The following DTNB variants were observed in gnomAD, a reference collection of about 807,000 sequenced individuals.
The protein encoded by DTNB is dystrobrevin beta.
DTNB carries 63 observed loss-of-function variants against 90.7 expected under a neutral mutation model. That is an observed-to-expected ratio of 0.69 (90% CI 0.57 to 0.86). The LOEUF (loss-of-function observed/expected upper bound fraction) is 0.86, where lower values mean the gene tolerates loss of function less well. Among genes scored for constraint, DTNB ranks in the 40% least tolerant of loss-of-function variants. DTNB has a pLI of 0.00. For synonymous variants in DTNB, 277 were observed against 286.7 expected, an observed-to-expected ratio of 0.97 and a Z score of 0.34; for missense variants, 744 against 807.1, an observed-to-expected ratio of 0.92 and a Z score of 0.95.
intron 6 of DTNB, among the ~76,000 whole-genome samples, chr2:25,587,945 TA>T (rs1282771307): frequency 1.3e-5 from 2 of 152,206 alleles, no homozygotes; most frequent in Non-Finnish European, 2.9e-5. Flanking sequence ...TCAGCCAATT[TA>T]ACTAACTCAA....
At chr2:25,448,955 G>A (rs1275573344) in intron 12 of DTNB, among the ~76,000 whole-genome samples, 1 of 151,312 alleles carries the variant, frequency 6.6e-6, no homozygotes, top group African/African-American at 2.4e-5. Flanking sequence ...TTTCTATCAA[G>A]TCAGAAAGTT....
intron 10 of DTNB, among the ~76,000 whole-genome samples, chr2:25,460,501 A>G (rs2060762764): frequency 6.6e-6 from 1 of 152,146 alleles, no homozygotes; most frequent in Admixed American, 6.6e-5. Context: ...CCTGTCACAC[A>G]CTACCATTCG....
chr2:25,431,279 G>A (rs1311831498), intron 14 of DTNB, among the ~76,000 whole-genome samples: 3 of 151,490 alleles, frequency 2.0e-5, no homozygotes, highest in East Asian at 1.9e-4. Context: ...TTGGCTCACC[G>A]CAACCTCCGC....
intron 10 of DTNB, among the ~76,000 whole-genome samples, chr2:25,473,484 GT>G (rs1172090941): frequency 1.3e-5 from 2 of 152,208 alleles, no homozygotes; most frequent in East Asian, 3.8e-4. Flanking sequence ...AAGCATGTGT[GT>G]GTTCATGTGT....
At chr2:25,434,082 T>C in intron 12 of DTNB, 87 bp from the exon 13 acceptor site, 1 of 1,258,900 alleles carries the variant, frequency 7.9e-7, no homozygotes, top group Non-Finnish European at 1.1e-6. Context: ...TAAAAAAGAT[T>C]TTTGACATAT....
At chr2:25,590,084 C>T (rs146103432) in intron 6 of DTNB, among the ~76,000 whole-genome samples, 172 of 152,320 alleles carry the variant, frequency 1.1e-3, no homozygotes, top group African/African-American at 3.8e-3. Context: ...CAGCTGGCAC[C>T]AGCAAACACG....
chr2:25,638,753 GAC>G (rs968010681), intron 3 of DTNB, among the ~76,000 whole-genome samples: 1 of 152,146 alleles, frequency 6.6e-6, no homozygotes, highest in African/African-American at 2.4e-5. Context: ...TAATAAAAGT[GAC>G]AGAGAAATCC....
Position 25,673,400 on chromosome 2 carries a change from C to T in DTNB, c.-16G>A, listed in dbSNP as rs2149102350. 6.6e-6 allele frequency: 1 copy of T among 151,288 alleles called. No individual in the cohort carries two copies. The highest frequency in any genetic ancestry group is 6.6e-5 in the Admixed American group (1 of 15,202). 9.4% of individuals were successfully genotyped at this position (151,288 alleles called of 1,614,324 possible). On this transcript the variant is annotated 5_prime_UTR_variant, in exon 1 of 21. Coordinates refer to ENST00000406818, the MANE Select transcript of DTNB (RefSeq NM_021907.5). ...CAGACCCCCACCTTGCTCACTTCCCCGCCGGAGCAGGGGTCGTCGGGAAGG... is the reference window on the plus strand; with the variant it reads ...CAGACCCCCACCTTGCTCACTTCCCTGCCGGAGCAGGGGTCGTCGGGAAGG...
intron 2 of DTNB, among the ~76,000 whole-genome samples, chr2:25,646,332 C>T (rs1455347917): frequency 1.3e-5 from 2 of 151,956 alleles, no homozygotes; most frequent in Non-Finnish European, 2.9e-5. Context: ...ATTAGCCAGG[C>T]GTAGTGGCAG....
intron 15 of DTNB, among the ~76,000 whole-genome samples, chr2:25,422,132 G>A (rs1428859354): frequency 1.3e-5 from 2 of 152,182 alleles, no homozygotes; most frequent in Non-Finnish European, 2.9e-5. Context: ...ATTGACTGAT[G>A]ACAAGGGATA....
intron 9 of DTNB, among the ~76,000 whole-genome samples, chr2:25,524,707 C>A (rs977852976): frequency 6.6e-6 from 1 of 152,098 alleles, no homozygotes; most frequent in African/African-American, 2.4e-5. Context: ...TCTTCCCCTG[C>A]TGCAGCAATG....
intron 8 of DTNB, chr2:25,558,187 T>C (rs2057681128): frequency 1.0e-6 from 1 of 983,278 alleles, no homozygotes; most frequent in Non-Finnish European, 1.2e-6. Flanking sequence ...ATATACAACA[T>C]ATAACACACA....
At chr2:25,428,522 T>C (rs1262700325) in intron 14 of DTNB, among the ~76,000 whole-genome samples, 1 of 151,626 alleles carries the variant, frequency 6.6e-6, no homozygotes, top group African/African-American at 2.4e-5. Flanking sequence ...CAACCTCCGC[T>C]TCCCCAGTTC....
chr2:25,401,609 CTTCT>C (rs1476306182), intron 16 of DTNB, among the ~76,000 whole-genome samples: 2 of 152,364 alleles, frequency 1.3e-5, no homozygotes, highest in South Asian at 2.1e-4. Flanking sequence ...TAGGACTTCC[CTTCT>C]TTCTTTTTCC....
chr2:25,667,718 C>A (rs942996354), intron 1 of DTNB, among the ~76,000 whole-genome samples: 4 of 152,112 alleles, frequency 2.6e-5, no homozygotes, highest in African/African-American at 7.2e-5. Flanking sequence ...TAGTTTCCTA[C>A]AAAGCTTGAT....
At chr2:25,413,948 CCTGA>C (rs1030757486) in intron 16 of DTNB, among the ~76,000 whole-genome samples, 2 of 152,170 alleles carry the variant, frequency 1.3e-5, no homozygotes, top group Non-Finnish European at 2.9e-5. Flanking sequence ...CCTGTTGTTT[CCTGA>C]CTTTTTAATG....
At chr2:25,514,199 T>C (rs917020771) in intron 9 of DTNB, among the ~76,000 whole-genome samples, 1 of 152,088 alleles carries the variant, frequency 6.6e-6, no homozygotes, top group Non-Finnish European at 1.5e-5. Context: ...TCTGAGAAGC[T>C]AACATTTAAG....
intron 16 of DTNB, among the ~76,000 whole-genome samples, chr2:25,392,569 C>G (rs963502808): frequency 6.6e-6 from 1 of 152,172 alleles, no homozygotes; most frequent in East Asian, 1.9e-4. Flanking sequence ...AGAGCTACTA[C>G]TACTGATACC....
chr2:25,451,778 C>T, intron 11 of DTNB, 143 bp from the exon 12 acceptor site: 1 of 747,294 alleles, frequency 1.3e-6, no homozygotes, highest in Non-Finnish European at 1.9e-6. Context: ...TACTAATGGT[C>T]TTCTGAAAAA....
Sources: gnomAD v4.1 joint callset for allele counts (sites outside exome capture counted in the v4.1 genomes callset) on GRCh38, gnomAD v4.1.1 for gene constraint, MANE v1.5 for transcripts, NCBI Gene and HGNC (gene_info 2026-07-23, HGNC 2026-07-21) for gene names.